FBN2: variants seen among roughly 807,000 people sequenced by gnomAD.
FBN2 encodes the protein fibrillin-2.
A neutral mutation model predicts 355.6 loss-of-function variants in FBN2; 105 were observed. That is an observed-to-expected ratio of 0.30 (90% CI 0.25 to 0.35). The LOEUF is 0.35. FBN2 is among the 10% of genes least tolerant of loss of function. The pLI is 1.00. For synonymous variants in FBN2, 1,350 were observed against 1,301.2 expected, an observed-to-expected ratio of 1.04 and a Z score of -0.81; for missense variants, 3,280 against 3,758.7, an observed-to-expected ratio of 0.87 and a Z score of 3.33.
chr5:128,467,976 C>T (rs1754757793), intron 5 of FBN2, among the ~76,000 whole-genome samples: 1 of 152,100 alleles, frequency 6.6e-6, no homozygotes, highest in Admixed American at 6.5e-5. Context: ...GTGTAATTTA[C>T]GTACCATAAT....
chr5:128,495,849 G>A lies in FBN2; in HGVS notation c.628+23424C>T, dbSNP rs562225961. ...ATTACTGACTTTACAGAAATAAAGA[G>A]GATAATGAAGTAATACTCTGAACAT... On this transcript the variant is annotated intron_variant, in intron 5 of 64. Transcript: ENST00000262464. Among the ~76,000 whole-genome samples the A allele has an allele frequency of 3.6e-4, 54 of 152,012 alleles. 1 individual carries two copies. Among genetic ancestry groups the A allele is most frequent in the Non-Finnish European group, 2.4e-4 (16 of 67,922 alleles).
chr5:128,524,141 C>T (rs554043763), intron 4 of FBN2, among the ~76,000 whole-genome samples: 70 of 152,134 alleles, frequency 4.6e-4, no homozygotes, highest in Admixed American at 6.6e-4. Flanking sequence ...ACTCCAGGGA[C>T]ATGGATCTTA....
intron 7 of FBN2, among the ~76,000 whole-genome samples, chr5:128,427,686 C>G (rs1237506389): frequency 6.6e-6 from 1 of 152,200 alleles, no homozygotes; most frequent in Non-Finnish European, 1.5e-5. Flanking sequence ...TCAGTCAAAC[C>G]AATGTATAAG....
chr5:128,524,079 C>A (rs1219111983), intron 4 of FBN2, among the ~76,000 whole-genome samples: 4 of 152,052 alleles, frequency 2.6e-5, no homozygotes, highest in African/African-American at 9.7e-5. Context: ...CTACAAGGCC[C>A]TATACCTCCC....
Position 128,328,723 on chromosome 5 carries a change from G to A in FBN2, c.4444C>T (p.Pro1482Ser), listed in dbSNP as rs1022830212. Reference sequence around the variant, plus strand: ...TGGCAGGATCTGCTGTCTGAGGCTGGAGTGAAGCCCATCTCACACTCGCAG... The same window carrying A: ...TGGCAGGATCTGCTGTCTGAGGCTGAAGTGAAGCCCATCTCACACTCGCAG... Reference protein sequence around the residue: ...YRCECEMGFTPASDSRSCQDI... With the variant: ...YRCECEMGFTSASDSRSCQDI... The change falls in exon 34 of 65, where the codon CCA becomes TCA. Residue 1482 changes from proline (P) to serine (S), a missense_variant. Physicochemically the swap from Pro to Ser is moderately conservative, Grantham distance 74 (BLOSUM62 -1). This residue lies in a region of FBN2 where 2,284 missense variants were observed against 2,749.5 expected (regional missense o/e 0.83). Transcript: ENST00000262464. 6.2e-7 allele frequency: 1 copy of A among 1,614,126 alleles called. No homozygotes were observed. The highest frequency in any genetic ancestry group is 8.5e-7 in the Non-Finnish European group (1 of 1,180,024).
At chr5:128,306,023 A>G in intron 42 of FBN2, 75 bp from the exon 43 acceptor site, 1 of 1,374,992 alleles carries the variant, frequency 7.3e-7, no homozygotes, top group East Asian at 2.3e-5. Flanking sequence ...GAATAATGCT[A>G]CATGTACCCT....
chr5:128,348,676 T>TG (rs1426376929), intron 23 of FBN2, among the ~76,000 whole-genome samples: 1 of 152,014 alleles, frequency 6.6e-6, no homozygotes, highest in African/African-American at 2.4e-5. Flanking sequence ...CATAGCTTAT[T>TG]GGGGGAAAAA....
chr5:128,324,778 C>G (rs189411219), intron 34 of FBN2, among the ~76,000 whole-genome samples: 1 of 151,964 alleles, frequency 6.6e-6, no homozygotes, highest in South Asian at 2.1e-4. Context: ...GCATCATGCC[C>G]GGCTAACTTT....
intron 5 of FBN2, among the ~76,000 whole-genome samples, chr5:128,466,919 A>C (rs1477786322): frequency 6.6e-6 from 1 of 152,226 alleles, no homozygotes; most frequent in Non-Finnish European, 1.5e-5. Flanking sequence ...ATTTTAAATA[A>C]ACATTAAATT....
At chr5:128,260,187 G>GT (rs1764930112) in intron 64 of FBN2, among the ~76,000 whole-genome samples, 1 of 152,054 alleles carries the variant, frequency 6.6e-6, no homozygotes, top group Non-Finnish European at 1.5e-5. Context: ...TAAAATTTAG[G>GT]TAATGATTTT....
At chr5:128,336,163 A>G (rs1181472223) in intron 27 of FBN2, 50 bp from the exon 28 acceptor site, 23 of 1,596,782 alleles carry the variant, frequency 1.4e-5, no homozygotes, top group Non-Finnish European at 1.9e-5. Flanking sequence ...CACTCACTAA[A>G]GCCATCAGAA....
intron 6 of FBN2, among the ~76,000 whole-genome samples, chr5:128,449,404 A>AATTATATAGTATACT (rs1432939500): frequency 7.0e-5 from 7 of 99,632 alleles, no homozygotes; most frequent in Non-Finnish European, 1.9e-5. Context: ...TATACTGTAT[A>AATTATATAGTATACT]ATTATATAGT....
intron 34 of FBN2, among the ~76,000 whole-genome samples, chr5:128,327,557 G>T (rs1750585680): frequency 1.4e-5 from 2 of 141,984 alleles, no homozygotes; most frequent in African/African-American, 2.6e-5. Flanking sequence ...TATCATTTTT[G>T]CTCAGCAGTT....
intron 3 of FBN2, among the ~76,000 whole-genome samples, chr5:128,529,346 C>T (rs548666716): frequency 6.6e-6 from 1 of 152,108 alleles, no homozygotes; most frequent in Non-Finnish European, 1.5e-5. Context: ...AAAAGGAGCA[C>T]TGAAGGCCAC....
At chr5:128,413,485 G>A (rs1481732451) in intron 7 of FBN2, among the ~76,000 whole-genome samples, 1 of 152,126 alleles carries the variant, frequency 6.6e-6, no homozygotes, top group African/African-American at 2.4e-5. Flanking sequence ...GTAATGTGAA[G>A]ACTCTGAACA....
Position 128,304,549 on chromosome 5 carries a change from G to C in FBN2, c.5800+408C>G, listed in dbSNP as rs1158393835. Among the ~76,000 whole-genome samples, 7 of 152,286 alleles carry C rather than the reference G, an allele frequency of 4.6e-5. No homozygotes were observed. In the East Asian group the frequency reaches 1.2e-3, roughly 25 times the overall value. On this transcript the variant is annotated intron_variant, in intron 45 of 64. Coordinates refer to ENST00000262464, the MANE Select transcript of FBN2 (RefSeq NM_001999.4). ...GTGCATATGTGTATAAATTTATTAA[G>C]TTTAATGCTGTCACTCTTACTACTC...
At chr5:128,478,258 C>G (rs1755057604) in intron 5 of FBN2, among the ~76,000 whole-genome samples, 1 of 152,096 alleles carries the variant, frequency 6.6e-6, no homozygotes, top group South Asian at 2.1e-4. Context: ...ACACACACTA[C>G]CTATGGAAGG....
rs1752093957 is a variant in FBN2 at position 128,376,869 on chromosome 5, G to A, written c.1850-16C>T. ...TCATCATGATCTGCAGAAGAGGATT[G>A]AGTGACTTTGAACACTGGCCTTGAG... On this transcript the variant is annotated splice_polypyrimidine_tract_variant and intron_variant, in intron 13 of 64. Transcript: ENST00000262464. 1 of 1,612,288 alleles carries A rather than the reference G, an allele frequency of 6.2e-7. No homozygotes were observed. The highest frequency in any genetic ancestry group is 1.1e-5 in the South Asian group (1 of 91,028).
intron 36 of FBN2, among the ~76,000 whole-genome samples, chr5:128,317,948 A>C (rs1351871393): frequency 6.6e-6 from 1 of 152,098 alleles, no homozygotes; most frequent in Non-Finnish European, 1.5e-5. Flanking sequence ...AAATTACTGC[A>C]CTTCTCTGTG....
Sources: gnomAD v4.1 joint callset for allele counts (sites outside exome capture counted in the v4.1 genomes callset) on GRCh38, gnomAD v4.1.1 for gene constraint, gnomAD v4.1.1 regional missense constraint, MANE v1.5 for transcripts, NCBI Gene and HGNC (gene_info 2026-07-23, HGNC 2026-07-21) for gene names.